Variants in PDE4D observed in about 807,000 individuals in gnomAD.
PDE4D encodes phosphodiesterase 4D.
In PDE4D, 24 loss-of-function variants were observed where a neutral mutation model predicts 87.4. The observed-to-expected ratio is 0.27, with a 90% confidence interval of 0.20 to 0.39. The LOEUF is 0.39. Ranked by LOEUF, PDE4D falls within the 10% of genes least tolerant of loss-of-function variation. The pLI is 1.00. For synonymous variants in PDE4D, 384 were observed against 383.2 expected, an observed-to-expected ratio of 1.00 and a Z score of -0.02; for missense variants, 714 against 1,041.0, an observed-to-expected ratio of 0.69 and a Z score of 4.32.
chr5:59,183,141 T>C (rs1172566102), intron 4 of PDE4D, among the ~76,000 whole-genome samples: 1 of 152,204 alleles, frequency 6.6e-6, no homozygotes, highest in African/African-American at 2.4e-5. Flanking sequence ...TAGCCGTGAA[T>C]AGATTGAATC....
intron 1 of PDE4D, among the ~76,000 whole-genome samples, chr5:59,668,918 G>GAAGAAGAAGAAGA (rs1364102706): frequency 1.7e-4 from 12 of 71,146 alleles, no homozygotes; most frequent in East Asian, 1.2e-3. Flanking sequence ...AGAAGAAGAA[G>GAAGAAGAAGAAGA]AAGAAAGAAA....
intron 5 of PDE4D, among the ~76,000 whole-genome samples, chr5:59,139,534 C>T (rs1777593077): frequency 6.6e-6 from 1 of 152,182 alleles, no homozygotes; most frequent in Admixed American, 6.5e-5. Flanking sequence ...GTCGCCTAGG[C>T]TGGAGTGCAG....
chr5:59,517,054 TA>T (rs1811296281), intron 1 of PDE4D, among the ~76,000 whole-genome samples: 1 of 152,212 alleles, frequency 6.6e-6, no homozygotes, highest in African/African-American at 2.4e-5. Context: ...TGTAAAATAT[TA>T]AACTCTTCCA....
At chr5:60,350,257 C>T (rs1404464728) in intron 1 of PDE4D, among the ~76,000 whole-genome samples, 1 of 152,182 alleles carries the variant, frequency 6.6e-6, no homozygotes, top group African/African-American at 2.4e-5. Context: ...ACCAGCTGCT[C>T]CTAGGTGCAC....
intron 1 of PDE4D, among the ~76,000 whole-genome samples, chr5:60,365,991 C>A (rs1170473856): frequency 6.6e-6 from 1 of 150,954 alleles, no homozygotes; most frequent in Non-Finnish European, 1.5e-5. Flanking sequence ...TTGCAGTGAG[C>A]CAAGATCATG....
chr5:59,833,437 G>A (rs906252165), intron 1 of PDE4D, among the ~76,000 whole-genome samples: 5 of 151,998 alleles, frequency 3.3e-5, no homozygotes, highest in African/African-American at 1.2e-4. Context: ...AGAGTCAACA[G>A]TAAATCACTG....
At chr5:59,188,362 T>C (rs1581260386) in intron 3 of PDE4D, among the ~76,000 whole-genome samples, 3 of 152,108 alleles carry the variant, frequency 2.0e-5, no homozygotes, top group South Asian at 4.1e-4. Context: ...ATACTGGTAG[T>C]TTTACAGAAA....
intron 2 of PDE4D, among the ~76,000 whole-genome samples, chr5:60,006,246 C>T (rs371320862): frequency 6.6e-5 from 10 of 151,458 alleles, no homozygotes; most frequent in South Asian, 6.3e-4. Context: ...TTAGGTTGGG[C>T]GAAAGCAATT....
chr5:59,472,661 T>G (rs924846930), intron 1 of PDE4D, among the ~76,000 whole-genome samples: 1 of 152,174 alleles, frequency 6.6e-6, no homozygotes. Context: ...TTCATAAAAC[T>G]TGCCTTCCAA....
chr5:60,042,301 G>A (rs1326240048), intron 2 of PDE4D, among the ~76,000 whole-genome samples: 1 of 152,170 alleles, frequency 6.6e-6, no homozygotes, highest in Non-Finnish European at 1.5e-5. Flanking sequence ...CCCCAGTCAG[G>A]GGCTTATAGA....
intron 1 of PDE4D, among the ~76,000 whole-genome samples, chr5:60,401,890 A>G (rs771834582): frequency 6.6e-5 from 10 of 152,236 alleles, no homozygotes; most frequent in Non-Finnish European, 1.0e-4. Flanking sequence ...TTAATAAGAA[A>G]CCCAGAGAGT....
intron 1 of PDE4D, among the ~76,000 whole-genome samples, chr5:60,369,190 A>C (rs1165608468): frequency 9.1e-5 from 13 of 143,220 alleles, no homozygotes; most frequent in African/African-American, 1.6e-4. Flanking sequence ...CTCTCCCTCC[A>C]CTCTGGCCAC....
intron 5 of PDE4D, among the ~76,000 whole-genome samples, chr5:59,083,501 T>A (rs981492411): frequency 1.3e-5 from 2 of 152,072 alleles, no homozygotes; most frequent in African/African-American, 4.8e-5. Context: ...ATCCTTGGCT[T>A]TTTGCTCTAT....
chr5:60,424,836 C>G (rs1282427649), intron 1 of PDE4D, among the ~76,000 whole-genome samples: 2 of 152,156 alleles, frequency 1.3e-5, no homozygotes, highest in Non-Finnish European at 2.9e-5. Flanking sequence ...TCAGCGAAGT[C>G]TCAGGATACA....
intron 1 of PDE4D, among the ~76,000 whole-genome samples, chr5:59,400,655 G>A (rs998587669): frequency 2.6e-5 from 4 of 151,266 alleles, no homozygotes; most frequent in Non-Finnish European, 5.9e-5. Context: ...AGTGGGTGCA[G>A]CACACCAGCA....
intron 2 of PDE4D, among the ~76,000 whole-genome samples, chr5:60,178,271 G>A (rs1784099555): frequency 1.3e-5 from 2 of 151,934 alleles, no homozygotes; most frequent in Admixed American, 1.3e-4. Flanking sequence ...CCTGCATTAG[G>A]ACATTTTCAG....
chr5:60,382,198 G>T (rs2150008314), intron 1 of PDE4D, among the ~76,000 whole-genome samples: 1 of 152,106 alleles, frequency 6.6e-6, no homozygotes, highest in South Asian at 2.1e-4. Context: ...ATTTATATAT[G>T]AAATAGTTTG....
intron 1 of PDE4D, among the ~76,000 whole-genome samples, chr5:59,774,711 AC>A (rs1763909821): frequency 6.9e-6 from 1 of 144,516 alleles, no homozygotes; most frequent in South Asian, 2.2e-4. Flanking sequence ...TTTCTGAGAC[AC>A]AGTCCGGCTT....
intron 1 of PDE4D, among the ~76,000 whole-genome samples, chr5:59,823,036 T>A (rs1216024780): frequency 1.3e-5 from 2 of 152,232 alleles, no homozygotes; most frequent in Non-Finnish European, 2.9e-5. Flanking sequence ...AATCAGTGTT[T>A]TTAACAAAGC....
Sources: gnomAD v4.1 joint callset for allele counts (sites outside exome capture counted in the v4.1 genomes callset) on GRCh38, gnomAD v4.1.1 for gene constraint, MANE v1.5 for transcripts, NCBI Gene and HGNC (gene_info 2026-07-23, HGNC 2026-07-21) for gene names.